Variants in DPYD observed in about 807,000 individuals in gnomAD.
DPYD encodes the protein dihydropyrimidine dehydrogenase [NADP(+)].
A neutral mutation model predicts 116.2 loss-of-function variants in DPYD; 109 were observed. That is an observed-to-expected ratio of 0.94 (90% confidence interval 0.80 to 1.10). The LOEUF (loss-of-function observed/expected upper bound fraction) is 1.10, where lower values mean the gene tolerates loss of function less well. DPYD is among the 50% of genes least tolerant of loss of function. The pLI, the probability that DPYD is intolerant of heterozygous loss-of-function variation, is 0.00. For synonymous variants in DPYD, 440 were observed against 432.0 expected, an observed-to-expected ratio of 1.02 and a Z score of -0.23; for missense variants, 1,302 against 1,254.5, an observed-to-expected ratio of 1.04 and a Z score of -0.57.
At chr1:97,439,751 A>T in intron 14 of DPYD, among the ~76,000 whole-genome samples, 1 of 149,444 alleles carries the variant, frequency 6.7e-6, no homozygotes, top group Non-Finnish European at 1.5e-5. Context: ...CATTTATTTT[A>T]TTTACTTTGG....
intron 8 of DPYD, among the ~76,000 whole-genome samples, chr1:97,598,873 A>C (rs1655062245): frequency 6.6e-6 from 1 of 152,232 alleles, no homozygotes; most frequent in South Asian, 2.1e-4. Context: ...TGTAAGAAGC[A>C]GCGCCAATTT....
intron 1 of DPYD, among the ~76,000 whole-genome samples, chr1:97,907,458 C>T (rs909164302): frequency 3.9e-5 from 6 of 152,054 alleles, no homozygotes; most frequent in African/African-American, 7.2e-5. Flanking sequence ...ACAAGGATCA[C>T]GATCTCGATT....
At chr1:97,863,399 A>G (rs1398208933) in intron 2 of DPYD, among the ~76,000 whole-genome samples, 1 of 151,972 alleles carries the variant, frequency 6.6e-6, no homozygotes, top group Non-Finnish European at 1.5e-5. Flanking sequence ...TTAAACCAAC[A>G]ATTCCACTTC....
intron 11 of DPYD, among the ~76,000 whole-genome samples, chr1:97,567,183 CT>C (rs374484210): frequency 2.6e-5 from 4 of 152,226 alleles, no homozygotes; most frequent in East Asian, 3.9e-4. Context: ...TGGCCTGCAC[CT>C]TTTCTCAGTA....
intron 13 of DPYD, among the ~76,000 whole-genome samples, chr1:97,513,019 TAAAG>T (rs1647922096): frequency 6.6e-6 from 1 of 151,782 alleles, no homozygotes; most frequent in Non-Finnish European, 1.5e-5. Context: ...TTTGCCTTTC[TAAAG>T]AAAGCACATA....
chr1:97,403,065 T>C lies in DPYD; in HGVS notation c.1906-20604A>G, dbSNP rs187649646. On this transcript the variant is annotated intron_variant, in intron 14 of 22. Transcript: ENST00000370192. ...TTAAGAGATACTGGTCTATAGTTTC[T>C]AGCATGTCTTTGTCTGGTTTGCTGT... Among the ~76,000 whole-genome samples, 483 of 152,076 alleles carry C rather than the reference T, an allele frequency of 3.2e-3. 3 individuals are homozygous for C. Among genetic ancestry groups the C allele is most frequent in the Non-Finnish European group, 5.2e-3 (355 of 67,896 alleles).
chr1:97,616,293 T>A (rs1165356721), intron 8 of DPYD, among the ~76,000 whole-genome samples: 2 of 152,184 alleles, frequency 1.3e-5, no homozygotes, highest in Admixed American at 1.3e-4. Context: ...TTATTTATTG[T>A]CACACTTTTC....
chr1:97,615,039 A>G (rs569925188), intron 8 of DPYD, among the ~76,000 whole-genome samples: 2 of 152,264 alleles, frequency 1.3e-5, no homozygotes, highest in African/African-American at 2.4e-5. Flanking sequence ...ATGCAATACT[A>G]TTTGAATACT....
chr1:97,590,451 G>T lies in DPYD; in HGVS notation c.1128+2767C>A, dbSNP rs12751479. Among the ~76,000 whole-genome samples, 1,121 of 152,250 alleles carry T rather than the reference G, an allele frequency of 7.4e-3. 13 individuals are homozygous for T. The highest frequency in any genetic ancestry group is 0.02 in the Middle Eastern group (6 of 294). ...GAATCTTTTATAGGTAGCACCCAAG[G>T]TGCTAAACAGGCGGAAGGTAAAAGT... On this transcript the variant is annotated intron_variant, in intron 10 of 22. Transcript: ENST00000370192.
At chr1:97,796,858 TA>T (rs1407991424) in intron 3 of DPYD, 1 of 152,156 alleles carries the variant, frequency 6.6e-6, no homozygotes, top group African/African-American at 2.4e-5. Flanking sequence ...GTGTCGGCCA[TA>T]AGCTGTTCCC....
At chr1:97,824,002 T>G (rs1159489967) in intron 3 of DPYD, among the ~76,000 whole-genome samples, 4 of 151,808 alleles carry the variant, frequency 2.6e-5, no homozygotes, top group Non-Finnish European at 5.9e-5. Flanking sequence ...ATATAATAAC[T>G]TCATCAGATC....
intron 16 of DPYD, among the ~76,000 whole-genome samples, chr1:97,372,465 T>C (rs1671356781): frequency 6.6e-6 from 1 of 152,270 alleles, no homozygotes. Context: ...TTATCATATA[T>C]CATAGTTACT....
chr1:97,640,895 G>A (rs994485183), intron 8 of DPYD, among the ~76,000 whole-genome samples: 1 of 152,130 alleles, frequency 6.6e-6, no homozygotes. Flanking sequence ...TGTTGCTTGA[G>A]GCACCAAGAT....
intron 20 of DPYD, among the ~76,000 whole-genome samples, chr1:97,172,293 G>A (rs1656778286): frequency 6.6e-6 from 1 of 152,076 alleles, no homozygotes; most frequent in South Asian, 2.1e-4. Context: ...AGTATTTTTT[G>A]TCATCCTTCA....
intron 5 of DPYD, among the ~76,000 whole-genome samples, chr1:97,712,989 T>A (rs1476180817): frequency 6.6e-6 from 1 of 152,054 alleles, no homozygotes; most frequent in African/African-American, 2.4e-5. Flanking sequence ...AATAACCTAG[T>A]CCCCATGTTT....
intron 3 of DPYD, among the ~76,000 whole-genome samples, chr1:97,826,668 T>C (rs559954501): frequency 1.3e-5 from 2 of 152,290 alleles, no homozygotes; most frequent in African/African-American, 2.4e-5. Flanking sequence ...TGGTGAAAAT[T>C]AGAAATTCAT....
intron 2 of DPYD, among the ~76,000 whole-genome samples, chr1:97,864,028 T>A (rs950592300): frequency 6.6e-6 from 1 of 152,084 alleles, no homozygotes; most frequent in East Asian, 1.9e-4. Context: ...GGAACTTATA[T>A]CCTTGGGAAA....
chr1:97,598,388 A>T (rs974918306), intron 8 of DPYD, among the ~76,000 whole-genome samples: 1 of 152,230 alleles, frequency 6.6e-6, no homozygotes, highest in South Asian at 2.1e-4. Flanking sequence ...TGTGAAAAAG[A>T]GAGTTTATGA....
chr1:97,356,331 C>T (rs922858745), intron 16 of DPYD, among the ~76,000 whole-genome samples: 13 of 152,104 alleles, frequency 8.5e-5, no homozygotes, highest in African/African-American at 3.1e-4. Flanking sequence ...TTGATATTAA[C>T]CCCTTATCAG....
Sources: gnomAD v4.1 joint callset for allele counts (sites outside exome capture counted in the v4.1 genomes callset) on GRCh38, gnomAD v4.1.1 for gene constraint, MANE v1.5 for transcripts, NCBI Gene and HGNC (gene_info 2026-07-23, HGNC 2026-07-21) for gene names.